The following TXNRD2 variants were observed in gnomAD, a reference collection of about 807,000 sequenced individuals.
TXNRD2 encodes the protein thioredoxin reductase 2.
TXNRD2 carries 67 observed loss-of-function variants against 70.8 expected under a neutral mutation model. The ratio of observed to expected loss-of-function variants is 0.95; its 90% confidence interval spans 0.78 to 1.16. The LOEUF (loss-of-function observed/expected upper bound fraction) is 1.16. Ranked by LOEUF, TXNRD2 falls within the 50% of genes most tolerant of loss-of-function variation. The pLI, the probability that TXNRD2 is intolerant of heterozygous loss-of-function variation, is 0.00. For synonymous variants in TXNRD2, 301 were observed against 295.8 expected, an observed-to-expected ratio of 1.02 and a Z score of -0.18; for missense variants, 644 against 719.9, an observed-to-expected ratio of 0.89 and a Z score of 1.21.
At chr22:19,881,519 C>T (rs768142817) in intron 12 of TXNRD2, 10 of 163,060 alleles carry the variant, frequency 6.1e-5, no homozygotes, top group African/African-American at 7.1e-5. Context: ...CTATTCAGAA[C>T]GACCTTTCTG....
In TXNRD2 at chr22:19,901,104, C is replaced by A. The variant is rs1001997708; in HGVS notation, c.663-2036G>T. Reference sequence around the variant, plus strand: ...TAGCTCATTGCTAGGGATACAGCAACACACCCTCCTGATTTTGCCACAAAT... The same window carrying A: ...TAGCTCATTGCTAGGGATACAGCAAAACACCCTCCTGATTTTGCCACAAAT... On this transcript the variant is annotated intron_variant, in intron 8 of 17. Transcript: ENST00000400521. Among the ~76,000 whole-genome samples the A allele has an allele frequency of 4.6e-5, 7 of 152,340 alleles. No individual in the cohort carries two copies. In the South Asian group the frequency reaches 1.4e-3, roughly 32 times the overall value.
chr22:19,936,606 G>A (rs550247349), intron 1 of TXNRD2, among the ~76,000 whole-genome samples: 20 of 151,992 alleles, frequency 1.3e-4, no homozygotes, highest in African/African-American at 4.1e-4. Flanking sequence ...TCCCTCAACC[G>A]GTCACTTTGC....
chr22:19,888,559 A>G (rs923575021), intron 11 of TXNRD2, among the ~76,000 whole-genome samples: 1 of 152,254 alleles, frequency 6.6e-6, no homozygotes, highest in Non-Finnish European at 1.5e-5. Flanking sequence ...GGTAAGTGCC[A>G]GCAGGAGTAC....
intron 1 of TXNRD2, chr22:19,933,627 A>G (rs1191457734): frequency 3.3e-6 from 2 of 609,554 alleles, no homozygotes; most frequent in Non-Finnish European, 4.9e-6. Context: ...GCTGATAAAC[A>G]CTGGCATAGG....
At chr22:19,881,740 T>G (rs16984307) in intron 12 of TXNRD2, among the ~76,000 whole-genome samples, 7,597 of 152,150 alleles carry the variant, frequency 0.05, 615 homozygotes, top group African/African-American at 0.17. Context: ...CCCACAGGAT[T>G]CAACAGACCC....
intron 1 of TXNRD2, chr22:19,932,596 G>T: frequency 6.9e-7 from 1 of 1,438,946 alleles, no homozygotes; most frequent in Non-Finnish European, 9.2e-7. Context: ...GCTGAAGGAA[G>T]GAAGAAATAA....
chr22:19,895,573 G>T lies in TXNRD2; in HGVS notation c.783C>A (p.Ser261=). 1.2e-6 allele frequency: 2 copies of T among 1,611,492 alleles called. No homozygotes were observed. Among genetic ancestry groups the T allele is most frequent in the South Asian group, 2.2e-5 (2 of 91,086 alleles). Residue 261 remains serine (S), a synonymous_variant, in exon 11 of 18, where the codon TCC becomes TCA. Coordinates refer to ENST00000400521, the MANE Select transcript of TXNRD2 (RefSeq NM_006440.5). Reference sequence around the variant, plus strand: ...ATGCCATGTGCTCTATGACCATGGAGGACATTTGCTGCAAAGCACAAGAAG... The same window carrying T: ...ATGCCATGTGCTCTATGACCATGGATGACATTTGCTGCAAAGCACAAGAAG... ...IPLRGFDQQM[S]SMVIEHMASH...
At chr22:19,941,336 C>T (rs1407527086) in intron 1 of TXNRD2, among the ~76,000 whole-genome samples, 4 of 152,152 alleles carry the variant, frequency 2.6e-5, no homozygotes, top group Admixed American at 2.6e-4. Context: ...GTCTAGGGGT[C>T]TGGGGAGAAG....
chr22:19,893,846 A>C (rs1939373295), intron 11 of TXNRD2: 1 of 152,238 alleles, frequency 6.6e-6, no homozygotes, highest in Non-Finnish European at 1.5e-5. Context: ...CTGGCATGTG[A>C]TGACCTGCCA....
At chr22:19,927,300 A>T (rs550577595) in intron 2 of TXNRD2, among the ~76,000 whole-genome samples, 58 of 152,032 alleles carry the variant, frequency 3.8e-4, no homozygotes, top group Middle Eastern at 3.4e-3. Context: ...GTCTCAAAAA[A>T]ATATATATAT....
chr22:19,915,769 T>G lies in TXNRD2; in HGVS notation c.524A>C (p.Lys175Thr). ...HTVCGVAKGG[K>T]EILLSADHII... ...GCGAGTAAGTCAGATGCTCACCTCT[T>G]TCCCACCTTTGGCAACGCCGCAAAC... Residue 175 changes from lysine (K) to threonine (T), a missense_variant, in exon 6 of 18, where the codon AAA (lysine) becomes ACA (threonine). By Grantham distance (78) the Lys-to-Thr change is moderately conservative. Transcript: ENST00000400521. The G allele has an allele frequency of 2.5e-6, 4 of 1,614,164 alleles. No homozygotes were observed. The highest frequency in any genetic ancestry group is 3.4e-6 in the Non-Finnish European group (4 of 1,180,018).
chr22:19,888,766 C>A (rs757553529), intron 11 of TXNRD2, among the ~76,000 whole-genome samples: 1 of 152,214 alleles, frequency 6.6e-6, no homozygotes, highest in Non-Finnish European at 1.5e-5. Flanking sequence ...GCCACCCTCA[C>A]GGGGCCTGGC....
At chr22:19,940,547 A>G (rs1941675620) in intron 1 of TXNRD2, among the ~76,000 whole-genome samples, 2 of 152,142 alleles carry the variant, frequency 1.3e-5, no homozygotes, top group African/African-American at 2.4e-5. Flanking sequence ...CCGTGTCTGG[A>G]CTGTGAGTAT....
At chr22:19,940,228 G>A (rs1186083969) in intron 1 of TXNRD2, among the ~76,000 whole-genome samples, 1 of 108,774 alleles carries the variant, frequency 9.2e-6, no homozygotes, top group Non-Finnish European at 1.7e-5. Context: ...TTGGGCGACA[G>A]AGCAAGACAC....
chr22:19,918,791 A>C (rs1232434372), intron 4 of TXNRD2, 69 bp downstream of exon 4: 35 of 1,583,278 alleles, frequency 2.2e-5, no homozygotes, highest in Non-Finnish European at 2.8e-5. Flanking sequence ...ATCGAGGATA[A>C]GCCTCCTCTT....
intron 17 of TXNRD2, 44 bp downstream of exon 17, chr22:19,876,996 G>A (rs1938535652): frequency 6.5e-6 from 9 of 1,388,002 alleles, no homozygotes; most frequent in Non-Finnish European, 8.6e-6. Flanking sequence ...CTGCACCCCT[G>A]CCACATGCCC....
chr22:19,883,298 G>T lies in TXNRD2; in HGVS notation c.1086+27C>A, dbSNP rs1403384833. 3.7e-6 allele frequency: 6 copies of T among 1,609,696 alleles called. No individual in the cohort carries two copies. The South Asian group carries it at 5.5e-5, about 15-fold the overall frequency. ...GGTGGTGGAGCAGGCAGGGGCAGGG[G>T]CCCTGGTCCCGGGACGCATGCCGTA... On this transcript the variant is annotated intron_variant, in intron 12 of 17. Transcript: ENST00000400521.
chr22:19,910,992 T>C (rs1311042846), intron 8 of TXNRD2: 1 of 317,266 alleles, frequency 3.2e-6, no homozygotes. Flanking sequence ...GGAGAATCAC[T>C]TGAACCTGGG....
At chr22:19,916,332 TC>T in intron 5 of TXNRD2, 1 of 169,838 alleles carries the variant, frequency 5.9e-6, no homozygotes, top group South Asian at 1.4e-4. Flanking sequence ...CGCTTTCTTT[TC>T]TTTTTTTTTT....
Sources: allele counts gnomAD v4.1 joint callset (sites outside exome capture counted in the v4.1 genomes callset), GRCh38; gene constraint gnomAD v4.1.1; transcripts MANE v1.5; gene names NCBI Gene and HGNC (gene_info 2026-07-23, HGNC 2026-07-21).